Variants in CCSER1 observed in about 807,000 individuals in gnomAD.
CCSER1 encodes the protein serine-rich coiled-coil domain-containing protein 1.
Under a neutral mutation model 82.0 loss-of-function variants are expected in CCSER1, and 41 were observed. That is an observed-to-expected ratio of 0.50 (90% CI 0.39 to 0.65). CCSER1 has a LOEUF of 0.65. Among genes scored for constraint, CCSER1 ranks in the 30% least tolerant of loss-of-function variants. The pLI is 0.00. For missense variants in CCSER1, 1,119 were observed against 1,064.2 expected, an observed-to-expected ratio of 1.05 and a Z score of -0.72; for synonymous variants, 414 against 383.9, an observed-to-expected ratio of 1.08 and a Z score of -0.92.
chr4:90,886,055 A>G (rs942154493), intron 8 of CCSER1, among the ~76,000 whole-genome samples: 2 of 152,060 alleles, frequency 1.3e-5, no homozygotes, highest in Non-Finnish European at 2.9e-5. Context: ...CCACTCCCTG[A>G]GGTCTCATAT....
intron 3 of CCSER1, among the ~76,000 whole-genome samples, chr4:90,343,501 C>T (rs913013364): frequency 5.9e-5 from 9 of 152,080 alleles, no homozygotes; most frequent in African/African-American, 2.2e-4. Context: ...GTTTGTAATC[C>T]AGCTCCTCAG....
intron 5 of CCSER1, among the ~76,000 whole-genome samples, chr4:90,522,798 AT>A (rs927066769): frequency 6.6e-6 from 1 of 152,098 alleles, no homozygotes. Context: ...ATAAGAAAAT[AT>A]TTTTTGTTGA....
At chr4:90,239,231 A>G (rs1214619655) in intron 1 of CCSER1, among the ~76,000 whole-genome samples, 3 of 152,186 alleles carry the variant, frequency 2.0e-5, no homozygotes, top group Non-Finnish European at 4.4e-5. Flanking sequence ...TTAATTAGGA[A>G]ACAATAAACA....
At chr4:91,184,589 C>G (rs979893099) in intron 10 of CCSER1, among the ~76,000 whole-genome samples, 1 of 152,172 alleles carries the variant, frequency 6.6e-6, no homozygotes, top group African/African-American at 2.4e-5. Flanking sequence ...TTTTCAGTAA[C>G]TAATTTCTCT....
chr4:91,110,921 G>GTATATTTAA (rs1726045139), intron 10 of CCSER1, among the ~76,000 whole-genome samples: 1 of 151,812 alleles, frequency 6.6e-6, no homozygotes, highest in Non-Finnish European at 1.5e-5. Context: ...AAGTTGGTAA[G>GTATATTTAA]TATATTTAAT....
At chr4:91,562,808 G>A (rs1490912437) in intron 10 of CCSER1, among the ~76,000 whole-genome samples, 1 of 151,526 alleles carries the variant, frequency 6.6e-6, no homozygotes, top group Non-Finnish European at 1.5e-5. Context: ...ATAGTTTAAA[G>A]AGGAAATATT....
At chr4:90,338,166 T>C (rs1282098878) in intron 3 of CCSER1, among the ~76,000 whole-genome samples, 3 of 152,186 alleles carry the variant, frequency 2.0e-5, no homozygotes, top group African/African-American at 7.2e-5. Context: ...AAGATAGTGG[T>C]TGTCCTCACC....
intron 1 of CCSER1, among the ~76,000 whole-genome samples, chr4:90,142,885 G>T (rs1437735694): frequency 1.3e-5 from 2 of 151,994 alleles, no homozygotes; most frequent in Non-Finnish European, 2.9e-5. Flanking sequence ...TTCTGCTACA[G>T]TTCTATTTTT....
At chr4:90,639,835 G>A (rs1051374598) in intron 6 of CCSER1, among the ~76,000 whole-genome samples, 5 of 152,052 alleles carry the variant, frequency 3.3e-5, no homozygotes, top group African/African-American at 7.2e-5. Context: ...TTGAATTAAT[G>A]TGTCTGTACA....
At chr4:90,668,560 G>C (rs1732218234) in intron 6 of CCSER1, among the ~76,000 whole-genome samples, 1 of 152,032 alleles carries the variant, frequency 6.6e-6, no homozygotes, top group African/African-American at 2.4e-5. Context: ...ATTATATGCT[G>C]AGCTTTGATA....
Position 90,285,994 on chromosome 4 carries a change from C to T in CCSER1, c.-41-22250C>T, listed in dbSNP as rs1334571543. 2.6e-5 allele frequency among the ~76,000 whole-genome samples: 4 copies of T among 152,132 alleles called. No homozygotes were observed. The East Asian group carries it at 5.8e-4, about 22-fold the overall frequency. On this transcript the variant is annotated intron_variant, in intron 1 of 10. Transcript: ENST00000509176. The stretch of plus-strand genomic sequence containing the variant: ...ATTCCTGAGATGAATCCCACTTGAT[C>T]ATGATGAATGATCTATTTAATGTGT...
chr4:90,688,489 T>A (rs1021000825), intron 6 of CCSER1, among the ~76,000 whole-genome samples: 1 of 152,118 alleles, frequency 6.6e-6, no homozygotes, highest in Non-Finnish European at 1.5e-5. Flanking sequence ...TGTCACTATA[T>A]TATATACTTG....
chr4:91,340,671 C>G (rs531794127), intron 10 of CCSER1, among the ~76,000 whole-genome samples: 1 of 151,926 alleles, frequency 6.6e-6, no homozygotes, highest in Admixed American at 6.6e-5. Context: ...TAGATAATTA[C>G]AGCTTATAAA....
intron 10 of CCSER1, among the ~76,000 whole-genome samples, chr4:91,275,179 G>A (rs1742326108): frequency 6.6e-6 from 1 of 151,890 alleles, no homozygotes; most frequent in African/African-American, 2.4e-5. Flanking sequence ...TCATGTGGTA[G>A]TTCTATTTAT....
At chr4:90,338,102 C>G (rs971104610) in intron 3 of CCSER1, among the ~76,000 whole-genome samples, 2 of 152,148 alleles carry the variant, frequency 1.3e-5, no homozygotes, top group Admixed American at 6.5e-5. Context: ...ACTTTTGACT[C>G]TTTGTTCTTA....
intron 5 of CCSER1, among the ~76,000 whole-genome samples, chr4:90,568,841 C>A (rs1037116058): frequency 2.0e-5 from 3 of 150,720 alleles, no homozygotes; most frequent in African/African-American, 7.3e-5. Context: ...CGTGTCGGCT[C>A]ACTGCAACCT....
intron 10 of CCSER1, among the ~76,000 whole-genome samples, chr4:91,116,502 T>A (rs1327481337): frequency 1.3e-5 from 2 of 152,212 alleles, no homozygotes; most frequent in Admixed American, 1.3e-4. Context: ...GAAACAGTAA[T>A]GAGCCTCAGT....
chr4:90,384,990 T>C (rs1370793361), intron 3 of CCSER1, among the ~76,000 whole-genome samples: 1 of 152,166 alleles, frequency 6.6e-6, no homozygotes, highest in Non-Finnish European at 1.5e-5. Context: ...CTGTATTTGG[T>C]TTTCTGTTCC....
rs1024671943 is a variant in CCSER1 at position 91,283,202 on chromosome 4, G to A, written c.2217+197208G>A. Among the ~76,000 whole-genome samples the A allele has an allele frequency of 7.9e-5, 12 of 152,102 alleles. No homozygotes were observed. The South Asian group carries it at 1.7e-3, about 21-fold the overall frequency. On this transcript the variant is annotated intron_variant, in intron 10 of 10. Coordinates refer to ENST00000509176, the MANE Select transcript of CCSER1 (RefSeq NM_001145065.2). ...TGTTTGTACAGCTCTCTTTTAACTG[G>A]AGGGATGTAGAAACTATTTAGATGT...
Sources: gnomAD v4.1 joint callset for allele counts (sites outside exome capture counted in the v4.1 genomes callset) on GRCh38, gnomAD v4.1.1 for gene constraint, MANE v1.5 for transcripts, NCBI Gene and HGNC (gene_info 2026-07-23, HGNC 2026-07-21) for gene names.